Variants in VPS53 observed in about 807,000 individuals in gnomAD.
The protein encoded by VPS53 is VPS53 subunit of GARP complex, also known as vacuolar protein sorting-associated protein 53 homolog.
In VPS53, 70 loss-of-function variants were observed where a neutral mutation model predicts 107.0. The observed-to-expected ratio is 0.65, with a 90% CI of 0.54 to 0.80. The LOEUF (loss-of-function observed/expected upper bound fraction) is 0.80, where lower values mean the gene tolerates loss of function less well. VPS53 is among the 30% of genes least tolerant of loss of function. The pLI, the probability that VPS53 is intolerant of heterozygous loss-of-function variation, is 0.00. For synonymous variants in VPS53, 409 were observed against 393.3 expected, an observed-to-expected ratio of 1.04 and a Z score of -0.47; for missense variants, 917 against 1,049.4, an observed-to-expected ratio of 0.87 and a Z score of 1.74.
Position 519,189 on chromosome 17 carries a change from G to A in VPS53, c.2438C>T (p.Thr813Ile). Residue 813 changes from threonine (T) to isoleucine (I), a missense_variant, in exon 22 of 22, where the codon ACA (threonine) becomes ATA (isoleucine). Coordinates refer to ENST00000437048, the MANE Select transcript of VPS53 (RefSeq NM_001128159.3). The surrounding 1 kb of genome is among the most constrained non-coding windows in gnomAD (Gnocchi z 5.0). ...SSGSLSLTAPTPEQESSRIRK... is the reference protein window; with the variant it reads ...SSGSLSLTAPIPEQESSRIRK... ...GATGCGTGACGACTCTTGCTCTGGT[G>A]TTGGCGCCGTCAGGGACAGTGAGCC... The A allele has an allele frequency of 1.3e-6, 2 of 1,549,166 alleles. No homozygotes were observed. Among genetic ancestry groups the A allele is most frequent in the Non-Finnish European group, 1.7e-6 (2 of 1,146,270 alleles).
At chr17:684,190 C>A (rs1972501882) in intron 4 of VPS53, among the ~76,000 whole-genome samples, 1 of 152,190 alleles carries the variant, frequency 6.6e-6, no homozygotes, top group African/African-American at 2.4e-5. Flanking sequence ...GGGAACAAAG[C>A]AAACTATTCA....
chr17:652,336 C>T (rs1383522280), intron 7 of VPS53, among the ~76,000 whole-genome samples: 1 of 152,184 alleles, frequency 6.6e-6, no homozygotes, highest in African/African-American at 2.4e-5. Flanking sequence ...AGCAATCTAT[C>T]CCATCCCACA....
At chr17:646,685 T>C (rs369343927) in intron 7 of VPS53, among the ~76,000 whole-genome samples, 53 of 18,966 alleles carry the variant, frequency 2.8e-3, no homozygotes, top group African/African-American at 8.3e-3. Flanking sequence ...CTAATCCATA[T>C]CACGGACTGG....
intron 11 of VPS53, among the ~76,000 whole-genome samples, chr17:609,700 G>T (rs982382183): frequency 1.3e-5 from 2 of 152,176 alleles, no homozygotes; most frequent in Non-Finnish European, 2.9e-5. Context: ...GGCTGAAATT[G>T]AAAGTGCTCA....
chr17:598,031 G>A (rs987479482), intron 12 of VPS53, among the ~76,000 whole-genome samples: 10 of 124,230 alleles, frequency 8.0e-5, no homozygotes, highest in African/African-American at 3.0e-4. Flanking sequence ...AGCCGAAGCT[G>A]GACTGTACTG....
chr17:657,932 A>C (rs112790407), intron 5 of VPS53, among the ~76,000 whole-genome samples: 1 of 151,476 alleles, frequency 6.6e-6, no homozygotes, highest in Non-Finnish European at 1.5e-5. Context: ...TCTTGGATAG[A>C]TACATCGCAC....
intron 4 of VPS53, among the ~76,000 whole-genome samples, chr17:691,569 C>T (rs756732404): frequency 2.0e-5 from 3 of 152,196 alleles, no homozygotes; most frequent in Non-Finnish European, 4.4e-5. Flanking sequence ...CTGTAGTTGA[C>T]TGTGGTCCAA....
chr17:636,293 T>G (rs1160459595), intron 7 of VPS53, among the ~76,000 whole-genome samples: 10 of 152,256 alleles, frequency 6.6e-5, no homozygotes, highest in South Asian at 2.1e-4. Context: ...CTGAAGTTGC[T>G]TATCAGCTTA....
At chr17:652,868 A>G (rs955537637) in intron 7 of VPS53, among the ~76,000 whole-genome samples, 1 of 152,212 alleles carries the variant, frequency 6.6e-6, no homozygotes, top group Non-Finnish European at 1.5e-5. Flanking sequence ...TTTGGAAGAC[A>G]TGGGAAGGGG....
intron 12 of VPS53, among the ~76,000 whole-genome samples, chr17:587,487 G>A (rs73277153): frequency 0.011 from 1,685 of 152,320 alleles, 27 homozygotes; most frequent in African/African-American, 0.034. Flanking sequence ...CAGGCAGGCA[G>A]GCAGGCAGAC....
chr17:552,227 C>G lies in VPS53; in HGVS notation c.1788-277G>C, dbSNP rs574960876. The stretch of plus-strand genomic sequence containing the variant: ...TCTTCCTCCCAAAGAACCTGCTTCC[C>G]AAAAATGTTTAAGTCAGAACTGAAG... On this transcript the variant is annotated intron_variant, in intron 16 of 21. Coordinates refer to ENST00000437048, the MANE Select transcript of VPS53 (RefSeq NM_001128159.3). Among the ~76,000 whole-genome samples the G allele has an allele frequency of 6.6e-5, 10 of 152,222 alleles. 1 individual carries two copies. In the South Asian group the frequency reaches 2.1e-3, roughly 32 times the overall value.
At chr17:659,693 TTCTC>T (rs928583978) in intron 5 of VPS53, among the ~76,000 whole-genome samples, 3 of 151,238 alleles carry the variant, frequency 2.0e-5, no homozygotes, top group Non-Finnish European at 2.9e-5. Flanking sequence ...ACTCTATCCC[TTCTC>T]TCTATGTCCT....
intron 17 of VPS53, among the ~76,000 whole-genome samples, chr17:548,480 G>C (rs1043227079): frequency 7.1e-6 from 1 of 141,802 alleles, no homozygotes; most frequent in Non-Finnish European, 1.5e-5. Context: ...AGTCCTTCTG[G>C]AATCATCCAA....
intron 7 of VPS53, among the ~76,000 whole-genome samples, chr17:640,888 CTT>C (rs1025260898): frequency 6.6e-6 from 1 of 152,018 alleles, no homozygotes; most frequent in African/African-American, 2.4e-5. Context: ...AAGTCTCACT[CTT>C]GTCTCCCAGG....
At chr17:627,087 C>T in intron 10 of VPS53, 87 bp downstream of exon 10, 3 of 1,495,882 alleles carry the variant, frequency 2.0e-6, no homozygotes, top group South Asian at 2.7e-5. Flanking sequence ...GCATCAAATC[C>T]ACAGGACAAC....
intron 4 of VPS53, among the ~76,000 whole-genome samples, chr17:691,964 C>T (rs1227865602): frequency 6.6e-6 from 1 of 152,188 alleles, no homozygotes; most frequent in Non-Finnish European, 1.5e-5. Flanking sequence ...CACTGGGGGT[C>T]TTGGAATGTA....
At chr17:615,679 G>A (rs1036392542) in intron 11 of VPS53, among the ~76,000 whole-genome samples, 12 of 152,276 alleles carry the variant, frequency 7.9e-5, no homozygotes, top group South Asian at 2.1e-4. Flanking sequence ...ACCTTGGTTC[G>A]TTTCACAATT....
intron 13 of VPS53, among the ~76,000 whole-genome samples, chr17:564,424 CA>C: frequency 6.6e-6 from 1 of 152,062 alleles, no homozygotes; most frequent in African/African-American, 2.4e-5. Flanking sequence ...CCCGTAGTCC[CA>C]GCTACTTCAG....
At position 642,587 on chromosome 17, in the gene VPS53, A is replaced by AGGACAACACTCATACTTGGCAACTGG. The variant is rs1454107975; in HGVS notation, c.608+10678_608+10703dup. The stretch of plus-strand genomic sequence containing the variant: ...GGACAACACTCATACTTGGCAACTG[A>AGGACAACACTCATACTTGGCAACTGG]GGACAACACTCATACTTGGCAACTG... On this transcript the variant is annotated intron_variant, in intron 7 of 21. Coordinates refer to ENST00000437048, the MANE Select transcript of VPS53 (RefSeq NM_001128159.3). Among the ~76,000 whole-genome samples, 926 of 147,890 alleles carry AGGACAACACTCATACTTGGCAACTGG rather than the reference A, an allele frequency of 6.3e-3. 14 individuals are homozygous for AGGACAACACTCATACTTGGCAACTGG. Among genetic ancestry groups the AGGACAACACTCATACTTGGCAACTGG allele is most frequent in the Middle Eastern group, 0.014 (4 of 284 alleles).
Sources: gnomAD v4.1 joint callset for allele counts (sites outside exome capture counted in the v4.1 genomes callset) on GRCh38, gnomAD v4.1.1 for gene constraint, Gnocchi (gnomAD v3.1) non-coding constraint, MANE v1.5 for transcripts, NCBI Gene and HGNC (gene_info 2026-07-23, HGNC 2026-07-21) for gene names.